Variants in LRRIQ3 observed in about 807,000 individuals in gnomAD.
LRRIQ3 encodes leucine rich repeats and IQ motif containing 3, also known as leucine-rich repeat and IQ domain-containing protein 3.
In LRRIQ3, 75 loss-of-function variants were observed where a neutral mutation model predicts 59.3. The ratio of observed to expected loss-of-function variants is 1.26; its 90% CI spans 1.05 to 1.53. The LOEUF (loss-of-function observed/expected upper bound fraction) is 1.53. Among genes scored for constraint, LRRIQ3 ranks in the 40% most tolerant of loss-of-function variants. The pLI is 0.00. For missense variants in LRRIQ3, 831 were observed against 710.0 expected, an observed-to-expected ratio of 1.17 and a Z score of -1.94; for synonymous variants, 250 against 231.3, an observed-to-expected ratio of 1.08 and a Z score of -0.73.
At chr1:74,162,576 A>T (rs1351915648) in intron 3 of LRRIQ3, among the ~76,000 whole-genome samples, 1 of 151,820 alleles carries the variant, frequency 6.6e-6, no homozygotes. Flanking sequence ...TTTGCATGTC[A>T]ACAGTAAGAG....
At chr1:74,177,201 G>A (rs1649694946) in intron 3 of LRRIQ3, among the ~76,000 whole-genome samples, 1 of 152,070 alleles carries the variant, frequency 6.6e-6, no homozygotes. Flanking sequence ...GGTTCTTTCA[G>A]CTGCTAAGTA....
rs1198067436 is a variant in LRRIQ3 at position 74,026,612 on chromosome 1, A to G, written c.*201T>C. 2.3e-6 allele frequency: 1 copy of G among 430,882 alleles called. No homozygotes were observed. The highest frequency in any genetic ancestry group is 2.1e-5 in the African/African-American group (1 of 48,286). The allele number at this position is 430,882 out of a possible 1,614,324, so 26.7% of individuals were successfully genotyped here. A position where few individuals can be genotyped will look rare whatever the true frequency, so the allele number is the denominator to read the frequency against. ...AGGCATCTGATCTAAGAAATTTTTC[A>G]GAGGTGCTAAGTCAACTTTAAGTTA... On this transcript the variant is annotated 3_prime_UTR_variant, in exon 8 of 8. Coordinates refer to ENST00000354431, the MANE Select transcript of LRRIQ3 (RefSeq NM_001105659.2).
intron 3 of LRRIQ3, among the ~76,000 whole-genome samples, chr1:74,165,563 T>C (rs148908389): frequency 7.9e-4 from 120 of 151,678 alleles, no homozygotes; most frequent in African/African-American, 2.8e-3. Flanking sequence ...TTCCAATTTC[T>C]TTTCCTTTTG....
intron 6 of LRRIQ3, among the ~76,000 whole-genome samples, chr1:74,049,753 A>T (rs1654308077): frequency 6.6e-6 from 1 of 152,064 alleles, no homozygotes; most frequent in African/African-American, 2.4e-5. Flanking sequence ...TCATATTCAA[A>T]TTGTTTATAT....
intron 6 of LRRIQ3, chr1:74,050,380 CT>C: frequency 3.4e-6 from 1 of 297,354 alleles, no homozygotes; most frequent in Non-Finnish European, 5.0e-6. Context: ...AGCAATTATT[CT>C]TATATTTATA....
chr1:74,035,403 T>A (rs966505592), intron 7 of LRRIQ3, among the ~76,000 whole-genome samples: 5 of 152,094 alleles, frequency 3.3e-5, no homozygotes, highest in African/African-American at 1.2e-4. Flanking sequence ...TTTATATTTA[T>A]ATGGGTCATG....
At chr1:74,055,180 T>TA (rs1394432994) in intron 6 of LRRIQ3, among the ~76,000 whole-genome samples, 4 of 139,970 alleles carry the variant, frequency 2.9e-5, no homozygotes, top group African/African-American at 1.1e-4. Context: ...CATATACACT[T>TA]TATATATATA....
intron 5 of LRRIQ3, among the ~76,000 whole-genome samples, chr1:74,077,820 G>A (rs1461999321): frequency 6.6e-6 from 1 of 151,904 alleles, no homozygotes; most frequent in East Asian, 1.9e-4. Flanking sequence ...TATATGTAAT[G>A]CAAGAAGGGA....
chr1:74,123,172 G>T (rs1258923691), intron 4 of LRRIQ3, among the ~76,000 whole-genome samples: 1 of 151,410 alleles, frequency 6.6e-6, no homozygotes, highest in African/African-American at 2.4e-5. Flanking sequence ...ATTTTTGTAG[G>T]TACATAGGAG....
chr1:74,190,805 C>T (rs1451524622), intron 1 of LRRIQ3, among the ~76,000 whole-genome samples: 1 of 151,852 alleles, frequency 6.6e-6, no homozygotes, highest in African/African-American at 2.4e-5. Flanking sequence ...TATAAAGGAT[C>T]ACAGATAATA....
At chr1:74,167,507 C>T (rs1488228269) in intron 3 of LRRIQ3, among the ~76,000 whole-genome samples, 1 of 150,944 alleles carries the variant, frequency 6.6e-6, no homozygotes, top group Non-Finnish European at 1.5e-5. Context: ...CACATGTACC[C>T]CAGAACTTAA....
At chr1:74,156,748 T>C (rs1244514790) in intron 3 of LRRIQ3, among the ~76,000 whole-genome samples, 1 of 152,172 alleles carries the variant, frequency 6.6e-6, no homozygotes, top group Non-Finnish European at 1.5e-5. Context: ...CACAGCAAAT[T>C]ATCTTGGAAA....
chr1:74,101,714 G>A (rs1320590200), intron 5 of LRRIQ3, among the ~76,000 whole-genome samples: 3 of 152,102 alleles, frequency 2.0e-5, no homozygotes, highest in Non-Finnish European at 2.9e-5. Flanking sequence ...ATACACCATG[G>A]AATACTATGC....
Position 74,183,152 on chromosome 1 carries a change from T to C in LRRIQ3, c.249+284A>G, listed in dbSNP as rs189854565. 4.1e-5 allele frequency: 13 copies of C among 314,226 alleles called. No individual in the cohort carries two copies. In the East Asian group the frequency reaches 6.3e-4, roughly 15 times the overall value. 19.5% of individuals were successfully genotyped at this position (314,226 alleles called of 1,614,324 possible). Reference sequence around the variant, plus strand: ...GACTCTTTAAACTTTTCTAAAATACTTTCCTTACCTAAGGAAAATTAAGGA... The same window carrying C: ...GACTCTTTAAACTTTTCTAAAATACCTTCCTTACCTAAGGAAAATTAAGGA... On this transcript the variant is annotated intron_variant, in intron 2 of 7. Transcript: ENST00000354431.
intron 6 of LRRIQ3, among the ~76,000 whole-genome samples, chr1:74,048,431 A>G (rs1654267354): frequency 6.6e-6 from 1 of 152,172 alleles, no homozygotes; most frequent in South Asian, 2.1e-4. Flanking sequence ...TCATTGTGTT[A>G]TTAATGTAAC....
chr1:74,093,402 A>G (rs1393895684), intron 5 of LRRIQ3, among the ~76,000 whole-genome samples: 1 of 152,144 alleles, frequency 6.6e-6, no homozygotes, highest in Non-Finnish European at 1.5e-5. Flanking sequence ...ATGGGGGCAG[A>G]AACAACTGTG....
chr1:74,126,277 ATTATAT>A (rs1261557646), intron 4 of LRRIQ3, among the ~76,000 whole-genome samples: 1 of 150,908 alleles, frequency 6.6e-6, no homozygotes, highest in African/African-American at 2.4e-5. Context: ...GGGTTTGTTG[ATTATAT>A]TTATCTTTTA....
In LRRIQ3 at chr1:74,163,068, T is replaced by C. The variant is rs140037199; in HGVS notation, c.574-7202A>G. Among the ~76,000 whole-genome samples, 307 of 151,742 alleles carry C rather than the reference T, an allele frequency of 2.0e-3. 3 individuals carry two copies. The highest frequency in any genetic ancestry group is 6.7e-3 in the African/African-American group (278 of 41,512). ...ATGCTAACTATGCTGATTGGATCAC[T>C]ATACACTATATATTTTGAAACACCA... On this transcript the variant is annotated intron_variant, in intron 3 of 7. Coordinates refer to ENST00000354431, the MANE Select transcript of LRRIQ3 (RefSeq NM_001105659.2).
At position 74,074,653 on chromosome 1, in the gene LRRIQ3, T is replaced by C; in HGVS notation, c.997+8A>G. On this transcript the variant is annotated splice_region_variant and intron_variant, in intron 6 of 7. Coordinates refer to ENST00000354431, the MANE Select transcript of LRRIQ3 (RefSeq NM_001105659.2). ...TATTAAATATAATTAAAAATTCATATAACTAACCTTTTTGAATGAGATGTC... is the reference window on the plus strand; with the variant it reads ...TATTAAATATAATTAAAAATTCATACAACTAACCTTTTTGAATGAGATGTC... 7.8e-7 allele frequency: 1 copy of C among 1,278,458 alleles called. No individual in the cohort carries two copies. The highest frequency in any genetic ancestry group is 1.0e-6 in the Non-Finnish European group (1 of 972,518). 79.2% of individuals were successfully genotyped at this position (1,278,458 alleles called of 1,614,324 possible).
Sources: allele counts gnomAD v4.1 joint callset (sites outside exome capture counted in the v4.1 genomes callset), GRCh38; gene constraint gnomAD v4.1.1; transcripts MANE v1.5; gene names NCBI Gene and HGNC (gene_info 2026-07-23, HGNC 2026-07-21).